The following TLN2 variants were observed in gnomAD, a reference collection of about 807,000 sequenced individuals.
The protein encoded by TLN2 is talin 2.
A neutral mutation model predicts 294.7 loss-of-function variants in TLN2; 118 were observed. That is an observed-to-expected ratio of 0.40 (90% CI 0.34 to 0.47). TLN2 has a LOEUF of 0.47. TLN2 is among the 20% of genes least tolerant of loss of function. TLN2 has a pLI of 0.84. For synonymous variants in TLN2, 1,431 were observed against 1,304.5 expected, an observed-to-expected ratio of 1.10 and a Z score of -2.09; for missense variants, 3,083 against 3,282.2, an observed-to-expected ratio of 0.94 and a Z score of 1.48.
intron 3 of TLN2, among the ~76,000 whole-genome samples, chr15:62,643,405 A>ATTTTTTTTTTTTTTTTTTTTT (rs571288380): frequency 1.2e-4 from 11 of 90,744 alleles, no homozygotes; most frequent in Non-Finnish European, 1.4e-4. Context: ...TGGTTCCAGG[A>ATTTTTTTTTTTTTTTTTTTTT]TTTTTTTTTT....
At chr15:62,426,617 C>G (rs1307034857) in intron 1 of TLN2, among the ~76,000 whole-genome samples, 1 of 152,240 alleles carries the variant, frequency 6.6e-6, no homozygotes, top group African/African-American at 2.4e-5. Flanking sequence ...TAAACTAACT[C>G]CTAGTCAGAT....
At chr15:62,597,002 T>G (rs2046584616) in intron 2 of TLN2, among the ~76,000 whole-genome samples, 1 of 152,182 alleles carries the variant, frequency 6.6e-6, no homozygotes, top group Non-Finnish European at 1.5e-5. Flanking sequence ...TGTTTCATGG[T>G]AGCTTGTTGG....
At chr15:62,656,217 C>T (rs947437999) in intron 8 of TLN2, 131 bp downstream of exon 8, 123 of 1,138,398 alleles carry the variant, frequency 1.1e-4, no homozygotes, top group Middle Eastern at 2.1e-4. Flanking sequence ...AGGCGCTGCT[C>T]GTGGGTCCCC....
chr15:62,460,976 C>T (rs560973345), intron 1 of TLN2, among the ~76,000 whole-genome samples: 7 of 152,126 alleles, frequency 4.6e-5, no homozygotes, highest in East Asian at 3.9e-4. Flanking sequence ...GACAGAGTCT[C>T]GCTCTGTTGC....
At chr15:62,725,128 G>A in intron 27 of TLN2, 24 bp downstream of exon 27, 1 of 1,596,782 alleles carries the variant, frequency 6.3e-7, no homozygotes, top group Non-Finnish European at 8.5e-7. Flanking sequence ...GCCAGCTGGG[G>A]TGCGGGTGTA....
At position 62,796,892 on chromosome 15, in the gene TLN2, G is replaced by A. The variant is rs561625353; in HGVS notation, c.6051-327G>A. Among the ~76,000 whole-genome samples the A allele has an allele frequency of 3.3e-5, 5 of 152,260 alleles. No homozygotes were observed. The South Asian group carries it at 1.0e-3, about 32-fold the overall frequency. On this transcript the variant is annotated intron_variant, in intron 47 of 58. Transcript: ENST00000636159. ...GTCACTAGCTATGGAGTATTTTAAG[G>A]GACAGTGGGAGTCACAGAAAAGAAG... is the stretch of plus-strand genomic sequence containing the variant.
intron 21 of TLN2, among the ~76,000 whole-genome samples, chr15:62,710,375 A>G (rs922065791): frequency 1.1e-4 from 16 of 152,334 alleles, no homozygotes; most frequent in African/African-American, 3.8e-4. Flanking sequence ...TTGCCAGCAT[A>G]GAACAATACC....
At chr15:62,431,692 T>C (rs2035019757) in intron 1 of TLN2, among the ~76,000 whole-genome samples, 2 of 152,234 alleles carry the variant, frequency 1.3e-5, no homozygotes, top group African/African-American at 4.8e-5. Flanking sequence ...CAGCTTTCTT[T>C]AGCTTTCTCC....
intron 1 of TLN2, among the ~76,000 whole-genome samples, chr15:62,460,715 TTC>T (rs747188617): frequency 1.2e-4 from 19 of 152,210 alleles, no homozygotes; most frequent in Non-Finnish European, 2.8e-4. Context: ...AGATAATGTT[TTC>T]TCTCTTTGCA....
chr15:62,708,017 T>G (rs1269831188), intron 20 of TLN2, among the ~76,000 whole-genome samples: 1 of 152,078 alleles, frequency 6.6e-6, no homozygotes, highest in Admixed American at 6.5e-5. Flanking sequence ...CCTCAAGCTT[T>G]CATTGTCCAC....
At chr15:62,677,614 A>C (rs1054771347) in intron 11 of TLN2, among the ~76,000 whole-genome samples, 2 of 152,166 alleles carry the variant, frequency 1.3e-5, no homozygotes, top group African/African-American at 2.4e-5. Flanking sequence ...AGGTTTGATC[A>C]AACCAAATCT....
At chr15:62,737,694 G>C (rs1390531739) in intron 29 of TLN2, among the ~76,000 whole-genome samples, 1 of 152,220 alleles carries the variant, frequency 6.6e-6, no homozygotes, top group Non-Finnish European at 1.5e-5. Context: ...GCTCCAGGTT[G>C]TGCTCAGAGC....
intron 37 of TLN2, among the ~76,000 whole-genome samples, chr15:62,761,154 C>T (rs2062639255): frequency 6.6e-6 from 1 of 152,132 alleles, no homozygotes; most frequent in Non-Finnish European, 1.5e-5. Flanking sequence ...GTGTTCATTT[C>T]AGAATGATGA....
chr15:62,744,672 G>A (rs533124263), intron 32 of TLN2, among the ~76,000 whole-genome samples: 13 of 152,102 alleles, frequency 8.5e-5, no homozygotes, highest in Non-Finnish European at 1.6e-4. Flanking sequence ...TCAGCCTCCC[G>A]AGTAGCTGGG....
chr15:62,746,909 T>G (rs1298408598), intron 32 of TLN2, among the ~76,000 whole-genome samples: 1 of 152,140 alleles, frequency 6.6e-6, no homozygotes, highest in African/African-American at 2.4e-5. Flanking sequence ...GATTTTTCAT[T>G]TATAAAATGC....
chr15:62,693,119 C>G (rs1364220804), intron 13 of TLN2, among the ~76,000 whole-genome samples, 178 bp downstream of exon 13: 2 of 152,150 alleles, frequency 1.3e-5, no homozygotes, highest in Non-Finnish European at 2.9e-5. Flanking sequence ...CACCTGAGGT[C>G]AGGTATTAGA....
chr15:62,587,325 G>C (rs1017772844), intron 1 of TLN2, among the ~76,000 whole-genome samples: 3 of 152,148 alleles, frequency 2.0e-5, no homozygotes, highest in African/African-American at 7.2e-5. Context: ...AATAATGATT[G>C]CTCATTTTAT....
At chr15:62,703,648 C>CAGAGAGAAAGAG (rs1354870150) in intron 19 of TLN2, among the ~76,000 whole-genome samples, 1 of 143,904 alleles carries the variant, frequency 6.9e-6, no homozygotes, top group Non-Finnish European at 1.5e-5. Flanking sequence ...CACACACACA[C>CAGAGAGAAAGAG]ACAGAGAAAG....
Position 62,457,380 on chromosome 15 carries a change from A to G in TLN2, c.-238+66695A>G, listed in dbSNP as rs374304431. On this transcript the variant is annotated intron_variant, in intron 1 of 58. Coordinates refer to ENST00000636159, the MANE Select transcript of TLN2 (RefSeq NM_015059.3). ...TCATCTAAACCTAATTATCTCCCTA[A>G]GGCACCAGCACCATCCCCCTTGGGT... 2.6e-5 allele frequency among the ~76,000 whole-genome samples: 4 copies of G among 152,312 alleles called. No homozygotes were observed. The East Asian group carries it at 7.7e-4, about 29-fold the overall frequency.
Sources: gnomAD v4.1 joint callset for allele counts (sites outside exome capture counted in the v4.1 genomes callset) on GRCh38, gnomAD v4.1.1 for gene constraint, MANE v1.5 for transcripts, NCBI Gene and HGNC (gene_info 2026-07-23, HGNC 2026-07-21) for gene names.